The following LMF1 variants were observed in gnomAD, a reference collection of about 807,000 sequenced individuals.
LMF1 encodes the protein transmembrane protein 112.
LMF1 carries 68 observed loss-of-function variants against 60.6 expected under a neutral mutation model. The ratio of observed to expected loss-of-function variants is 1.12; its 90% CI spans 0.92 to 1.37. The LOEUF is 1.37. LMF1 is among the 40% of genes most tolerant of loss of function. LMF1 has a pLI of 0.00. For missense variants in LMF1, 948 were observed against 767.2 expected, an observed-to-expected ratio of 1.24 and a Z score of -2.78; for synonymous variants, 418 against 324.7, an observed-to-expected ratio of 1.29 and a Z score of -3.09.
intron 3 of LMF1, among the ~76,000 whole-genome samples, chr16:924,960 A>G (rs2071552124): frequency 6.6e-6 from 1 of 152,220 alleles, no homozygotes; most frequent in Non-Finnish European, 1.5e-5. Context: ...TGGCAAGGCC[A>G]CCGCACAGAC....
At chr16:870,589 G>A (rs1012103256) in intron 8 of LMF1, 140 bp downstream of exon 8, 3 of 989,014 alleles carry the variant, frequency 3.0e-6, no homozygotes, top group African/African-American at 3.2e-5. Context: ...AGCACGGCCT[G>A]TGCCTGGGTC....
intron 5 of LMF1, among the ~76,000 whole-genome samples, chr16:888,934 T>C (rs2070393599): frequency 6.6e-6 from 1 of 152,210 alleles, no homozygotes; most frequent in Non-Finnish European, 1.5e-5. Context: ...CCCTCTCCTG[T>C]GCTGCGCTGG....
At chr16:882,721 G>A (rs909481391) in intron 5 of LMF1, among the ~76,000 whole-genome samples, 6 of 151,518 alleles carry the variant, frequency 4.0e-5, no homozygotes, top group Non-Finnish European at 8.8e-5. Flanking sequence ...GGAGAAAGAG[G>A]AGCCGGCAGC....
Position 890,860 on chromosome 16 carries a change from C to CT in LMF1, c.729+2146_729+2147insA, listed in dbSNP as rs574424420. ...CCCTGACACTGCTGCGGCCAACCCTCCGGTGGCAGTGACACCGAGGGTGCC... is the reference window on the plus strand; with the variant it reads ...CCCTGACACTGCTGCGGCCAACCCTCTCGGTGGCAGTGACACCGAGGGTGCC... On this transcript the variant is annotated intron_variant, in intron 5 of 10. Transcript: ENST00000262301. 3.1e-3 allele frequency among the ~76,000 whole-genome samples: 358 copies of CT among 116,576 alleles called. 3 individuals carry two copies. The highest frequency in any genetic ancestry group is 0.014 in the African/African-American group (282 of 20,862). 76.5% of individuals were successfully genotyped at this position (116,576 alleles called of 152,430 possible). A position where few individuals can be genotyped will look rare whatever the true frequency, so the allele number is the denominator to read the frequency against.
intron 2 of LMF1, among the ~76,000 whole-genome samples, chr16:938,973 C>T (rs190640982): frequency 3.0e-4 from 46 of 152,280 alleles, no homozygotes; most frequent in African/African-American, 9.6e-4. Flanking sequence ...AAGCAAAGTC[C>T]GTGCATACAG....
In LMF1 at chr16:959,513, A is replaced by G. The variant is rs191539544; in HGVS notation, c.194-4847T>C. On this transcript the variant is annotated intron_variant, in intron 1 of 10. Transcript: ENST00000262301. ...TGAGCATTACACGAGATGAACTTCA[A>G]TGTGCACAAACTATTGGGGGAAGAC... Among the ~76,000 whole-genome samples the G allele has an allele frequency of 3.3e-5, 5 of 152,294 alleles. No individual in the cohort carries two copies. The East Asian group carries it at 9.7e-4, about 29-fold the overall frequency.
intron 2 of LMF1, among the ~76,000 whole-genome samples, chr16:951,329 C>A (rs1384984680): frequency 6.6e-6 from 1 of 152,150 alleles, no homozygotes; most frequent in East Asian, 1.9e-4. Flanking sequence ...GAGACAACGA[C>A]AAAGTCAGAG....
chr16:891,103 C>A (rs2151729197), intron 5 of LMF1, among the ~76,000 whole-genome samples: 1 of 152,344 alleles, frequency 6.6e-6, no homozygotes, highest in South Asian at 2.1e-4. Flanking sequence ...GCGGGAGGGA[C>A]CCACTGCATC....
chr16:875,632 C>T (rs998123855), intron 6 of LMF1, among the ~76,000 whole-genome samples: 3 of 152,140 alleles, frequency 2.0e-5, no homozygotes, highest in Admixed American at 2.0e-4. Context: ...GTACACGGGC[C>T]ATGGAAGCGG....
intron 3 of LMF1, among the ~76,000 whole-genome samples, chr16:921,718 G>A (rs1225464579): frequency 6.6e-6 from 1 of 152,160 alleles, no homozygotes; most frequent in Non-Finnish European, 1.5e-5. Context: ...CCTGATGTGC[G>A]CTGAAGCACC....
At chr16:970,126 A>G (rs2073010206) in intron 1 of LMF1, among the ~76,000 whole-genome samples, 1 of 152,162 alleles carries the variant, frequency 6.6e-6, no homozygotes, top group Admixed American at 6.5e-5. Flanking sequence ...TCCGCTGGGA[A>G]TCTTCCCGAA....
chr16:944,777 G>T (rs2072194562), intron 2 of LMF1, among the ~76,000 whole-genome samples: 1 of 152,080 alleles, frequency 6.6e-6, no homozygotes, highest in African/African-American at 2.4e-5. Flanking sequence ...CTTGCTGCTT[G>T]CTGAAGTCTC....
chr16:972,372 T>C (rs981949991), upstream of LMF1, among the ~76,000 whole-genome samples: 2 of 152,236 alleles, frequency 1.3e-5, no homozygotes, highest in African/African-American at 4.8e-5. Context: ...GCGTGGTGTG[T>C]GCCTGAGGGC....
intron 3 of LMF1, among the ~76,000 whole-genome samples, chr16:913,064 G>A (rs1179614035): frequency 3.9e-5 from 6 of 152,158 alleles, no homozygotes; most frequent in African/African-American, 7.2e-5. Flanking sequence ...AGCCGTCCTC[G>A]CCCCCGCCTC....
intron 10 of LMF1, among the ~76,000 whole-genome samples, chr16:862,838 A>T (rs2069503059): frequency 6.8e-6 from 1 of 145,998 alleles, no homozygotes. Context: ...AGCCTGGGTG[A>T]CAGAGAGTGA....
At chr16:905,462 G>C (rs1282529694) in intron 4 of LMF1, among the ~76,000 whole-genome samples, 1 of 148,288 alleles carries the variant, frequency 6.7e-6, no homozygotes, top group Non-Finnish European at 1.5e-5. Context: ...AGCTGTTCTT[G>C]GGGGGAGGAA....
intron 2 of LMF1, among the ~76,000 whole-genome samples, chr16:934,940 G>A (rs574273112): frequency 2.0e-5 from 3 of 152,130 alleles, no homozygotes; most frequent in South Asian, 2.1e-4. Flanking sequence ...CGCAAGAGGC[G>A]GGCAGGATGC....
At chr16:947,440 G>A (rs1239116719) in intron 2 of LMF1, 3 of 455,354 alleles carry the variant, frequency 6.6e-6, no homozygotes, top group African/African-American at 6.0e-5. Flanking sequence ...CATCGTCAGT[G>A]AGAAATGAAG....
rs768282717 is a variant in LMF1 at position 879,614 on chromosome 16, G to A, written c.853C>T (p.Arg285Trp). 48 of 1,613,254 alleles carry A rather than the reference G, an allele frequency of 3.0e-5. No homozygotes were observed. The highest frequency in any genetic ancestry group is 1.2e-4 in the Admixed American group (7 of 59,956). ...LLVPFFLFLG[R>W]RACIIHGVLQ... ...ACCCCGTGGATGATGCACGCCCGCC[G>A]GCCGAGGAAGAGGAAGAAGGGCACC... The change falls in exon 6 of 11, where the codon CGG becomes TGG. Residue 285 changes from arginine to tryptophan, a missense_variant. Arg to Trp is a moderately radical substitution (Grantham distance 101). Transcript: ENST00000262301.
Sources: gnomAD v4.1 joint callset for allele counts (sites outside exome capture counted in the v4.1 genomes callset) on GRCh38, gnomAD v4.1.1 for gene constraint, MANE v1.5 for transcripts, NCBI Gene and HGNC (gene_info 2026-07-23, HGNC 2026-07-21) for gene names.